Variants in SMARCAD1 observed in about 807,000 individuals in gnomAD.
SMARCAD1 encodes the protein SNF2 related chromatin remodeling ATPase with DExD box 1, also known as SWI/SNF-related matrix-associated actin-dependent regulator of chromatin subfamily A containing DEAD/H box 1.
A neutral mutation model predicts 127.1 loss-of-function variants in SMARCAD1; 25 were observed. The observed-to-expected ratio is 0.20, with a 90% CI of 0.14 to 0.27. The LOEUF (loss-of-function observed/expected upper bound fraction) is 0.27. Ranked by LOEUF, SMARCAD1 falls within the 10% of genes least tolerant of loss-of-function variation. SMARCAD1 has a pLI of 1.00. For missense variants in SMARCAD1, 807 were observed against 1,206.0 expected, an observed-to-expected ratio of 0.67 and a Z score of 4.90; for synonymous variants, 400 against 396.9, an observed-to-expected ratio of 1.01 and a Z score of -0.09.
At chr4:94,283,051 G>A (rs1366637396) in intron 21 of SMARCAD1, 70 bp from the exon 22 acceptor site, 1 of 1,316,572 alleles carries the variant, frequency 7.6e-7, no homozygotes, top group East Asian at 2.4e-5. Flanking sequence ...ATGTGATAAT[G>A]ATTGTTTTCC....
At chr4:94,243,269 CT>C (rs1160972005) in intron 6 of SMARCAD1, among the ~76,000 whole-genome samples, 2 of 152,318 alleles carry the variant, frequency 1.3e-5, no homozygotes, top group East Asian at 3.9e-4. Context: ...TTTATAATGC[CT>C]CAGGTAATAG....
intron 6 of SMARCAD1, among the ~76,000 whole-genome samples, chr4:94,246,603 A>C (rs181721472): frequency 1.3e-5 from 2 of 152,250 alleles, no homozygotes; most frequent in East Asian, 3.9e-4. Flanking sequence ...CTCCCACGAA[A>C]GTGGTGGGCC....
rs371524829 is a variant in SMARCAD1 at position 94,255,945 on chromosome 4, G to A, written c.1281+2938G>A. Among the ~76,000 whole-genome samples, 17 of 152,160 alleles carry A rather than the reference G, an allele frequency of 1.1e-4. No homozygotes were observed. The East Asian group carries it at 2.7e-3, about 24-fold the overall frequency. On this transcript the variant is annotated intron_variant, in intron 9 of 23. Coordinates refer to ENST00000354268, the MANE Select transcript of SMARCAD1 (RefSeq NM_020159.5). ...AAATCAAGTAGGGTTCAGAAATACAGCAAGCCAAAAATGTCATTAGTTTAA... is the reference window on the plus strand; with the variant it reads ...AAATCAAGTAGGGTTCAGAAATACAACAAGCCAAAAATGTCATTAGTTTAA...
At chr4:94,253,473 T>C (rs1749592319) in intron 9 of SMARCAD1, 17 of 1,150,444 alleles carry the variant, frequency 1.5e-5, no homozygotes, top group Non-Finnish European at 1.6e-5. Flanking sequence ...TGTTTTATGC[T>C]TCACCACAAA....
chr4:94,248,848 A>G (rs1748851178), intron 6 of SMARCAD1, among the ~76,000 whole-genome samples: 1 of 152,206 alleles, frequency 6.6e-6, no homozygotes. Flanking sequence ...AAAGAGAAAA[A>G]TAGCAATTCA....
intron 21 of SMARCAD1, 90 bp from the exon 22 acceptor site, chr4:94,283,031 T>C: frequency 9.1e-7 from 1 of 1,097,490 alleles, no homozygotes; most frequent in Non-Finnish European, 1.3e-6. Context: ...CATCTTCAGG[T>C]TTCTTTTTCA....
intron 10 of SMARCAD1, among the ~76,000 whole-genome samples, chr4:94,267,877 C>T (rs183298381): frequency 5.9e-5 from 9 of 152,018 alleles, no homozygotes; most frequent in South Asian, 2.1e-4. Context: ...AACTGTGAAG[C>T]GTCAAAATAG....
At chr4:94,271,824 A>C (rs1752574790) in intron 11 of SMARCAD1, among the ~76,000 whole-genome samples, 1 of 152,212 alleles carries the variant, frequency 6.6e-6, no homozygotes, top group African/African-American at 2.4e-5. Flanking sequence ...CAAAACTAAT[A>C]ATAAAATGTA....
Position 94,256,174 on chromosome 4 carries a change from A to G in SMARCAD1, c.1281+3167A>G, listed in dbSNP as rs573675051. On this transcript the variant is annotated intron_variant, in intron 9 of 23. Transcript: ENST00000354268. ...AGTAGTAATGTTTTTATGCTGACCA[A>G]TGCGACATGCATCAGTAACTCAACC... 3.3e-5 allele frequency among the ~76,000 whole-genome samples: 5 copies of G among 152,290 alleles called. No individual in the cohort carries two copies. In the East Asian group the frequency reaches 9.6e-4, roughly 29 times the overall value.
At chr4:94,224,361 A>C (rs1744674424) in intron 2 of SMARCAD1, among the ~76,000 whole-genome samples, 1 of 152,204 alleles carries the variant, frequency 6.6e-6, no homozygotes, top group African/African-American at 2.4e-5. Context: ...CCTTATCTGA[A>C]GTTCTTGGGA....
At chr4:94,270,960 T>G in intron 11 of SMARCAD1, 142 bp downstream of exon 11, 1 of 694,566 alleles carries the variant, frequency 1.4e-6, no homozygotes, top group Non-Finnish European at 2.6e-6. Flanking sequence ...CTCATCTTTG[T>G]TTTTGATAGA....
At chr4:94,250,958 G>A in intron 8 of SMARCAD1, 125 bp downstream of exon 8, 1 of 679,486 alleles carries the variant, frequency 1.5e-6, no homozygotes, top group Non-Finnish European at 2.5e-6. Flanking sequence ...AAAAGATGTT[G>A]AAAGTAATGA....
intron 10 of SMARCAD1, 125 bp downstream of exon 10, chr4:94,265,031 C>G: frequency 1.2e-6 from 1 of 851,218 alleles, no homozygotes; most frequent in Non-Finnish European, 1.9e-6. Context: ...CCCAGGTTTT[C>G]TGTAATGGCA....
rs558994666 is a variant in SMARCAD1, at chr4:94,277,874, AC to A, written c.2083-546del. 1.8e-3 allele frequency among the ~76,000 whole-genome samples: 269 copies of A among 152,244 alleles called. 1 individual carries two copies. Among genetic ancestry groups the A allele is most frequent in the African/African-American group, 6.4e-3 (265 of 41,554 alleles). On this transcript the variant is annotated intron_variant, in intron 16 of 23. Transcript: ENST00000354268. ...TTAAATGGCCTAGCAGATTTTATGA[AC>A]CATTTTCTATCTTCAGTTCATAATA...
Position 94,208,579 on chromosome 4 carries a change from A to G in SMARCAD1, c.185A>G (p.Lys62Arg). Reference sequence around the variant, plus strand: ...ACTCCTGATTCAGATATAACTGAAAAAACAGGTGAGTTACAATGTTAAAAT... The same window carrying G: ...ACTCCTGATTCAGATATAACTGAAAGAACAGGTGAGTTACAATGTTAAAAT... ...ANTPDSDITE[K>R]TEDSSVPETP... Residue 62 changes from lysine to arginine, a missense_variant, in exon 2 of 24, where the codon AAA becomes AGA. By Grantham distance (26) the Lys-to-Arg change is conservative. This residue lies in a region of SMARCAD1 where 175 missense variants were observed against 169.5 expected (regional missense o/e 1.03). Transcript: ENST00000354268. 1 of 1,613,894 alleles carries G rather than the reference A, an allele frequency of 6.2e-7. No homozygotes were observed. The highest frequency in any genetic ancestry group is 8.5e-7 in the Non-Finnish European group (1 of 1,179,768).
At chr4:94,255,765 T>TCCCTTGTG in intron 9 of SMARCAD1, among the ~76,000 whole-genome samples, 7 of 152,142 alleles carry the variant, frequency 4.6e-5, no homozygotes, top group South Asian at 2.1e-4. Flanking sequence ...GTATATTACC[T>TCCCTTGTG]AAAAGGATAT....
chr4:94,246,862 G>A (rs189809781), intron 6 of SMARCAD1, among the ~76,000 whole-genome samples: 7 of 152,202 alleles, frequency 4.6e-5, no homozygotes, highest in Admixed American at 3.9e-4. Flanking sequence ...AGATAAAAAC[G>A]GATTGTTTCT....
chr4:94,280,339 G>A (rs866367914), intron 19 of SMARCAD1, among the ~76,000 whole-genome samples: 1 of 151,682 alleles, frequency 6.6e-6, no homozygotes, highest in African/African-American at 2.4e-5. Context: ...TTCTCCCCAG[G>A]GTTATTTTGA....
chr4:94,243,058 A>G (rs1278024097), intron 6 of SMARCAD1, among the ~76,000 whole-genome samples: 1 of 152,130 alleles, frequency 6.6e-6, no homozygotes, highest in Non-Finnish European at 1.5e-5. Context: ...TCCCGGGTTC[A>G]AGTGATTCTC....
Sources: gnomAD v4.1 joint callset for allele counts (sites outside exome capture counted in the v4.1 genomes callset) on GRCh38, gnomAD v4.1.1 for gene constraint, gnomAD v4.1.1 regional missense constraint, MANE v1.5 for transcripts, NCBI Gene and HGNC (gene_info 2026-07-23, HGNC 2026-07-21) for gene names.